The following CTSA variants were observed in gnomAD, a reference collection of about 807,000 sequenced individuals.
The protein encoded by CTSA is cathepsin A.
CTSA carries 42 observed loss-of-function variants against 66.7 expected under a neutral mutation model. That is an observed-to-expected ratio of 0.63 (90% CI 0.49 to 0.81). CTSA has a LOEUF of 0.81. Ranked by LOEUF, CTSA falls within the 40% of genes least tolerant of loss-of-function variation. The pLI is 0.00. For synonymous variants in CTSA, 225 were observed against 248.6 expected, an observed-to-expected ratio of 0.91 and a Z score of 0.89; for missense variants, 525 against 610.9, an observed-to-expected ratio of 0.86 and a Z score of 1.48.
At chr20:45,897,853 T>G (rs561109812) in intron 13 of CTSA, 47 bp downstream of exon 13, 1 of 1,525,678 alleles carries the variant, frequency 6.6e-7, no homozygotes, top group East Asian at 2.3e-5. Flanking sequence ...CTGTGGAGGA[T>G]TGGGAGCGGG....
chr20:45,891,716 T>G lies in CTSA; in HGVS notation c.148T>G (p.Tyr50Asp), dbSNP rs1489151846. The change falls in exon 2 of 15, where the codon TAC (tyrosine) becomes GAC (aspartate). Residue 50 changes from tyrosine to aspartate, a missense_variant. Tyr to Asp is a radical substitution (Grantham distance 160). Transcript: ENST00000646241. This position sits in a 1 kb window ranked among gnomAD's most constrained non-coding sequence, Gnocchi z 4.6. ...GGCCAAGCAGCCGTCTTTCCGCCAG[T>G]ACTCCGGCTACCTCAAAGGCTCCGG... ...GLAKQPSFRQ[Y>D]SGYLKGSGSK... The G allele has an allele frequency of 3.1e-6, 5 of 1,613,566 alleles. No homozygotes were observed. The highest frequency in any genetic ancestry group is 4.2e-6 in the Non-Finnish European group (5 of 1,180,030).
At position 45,893,212 on chromosome 20, in the gene CTSA, T is replaced by A; in HGVS notation, c.601-8T>A. ...CCACATGAGCTGAGCACCCTGGGTG[T>A]TTCACAGGGGCTGGCTGTGGGCAAT... On this transcript the variant is annotated splice_polypyrimidine_tract_variant and splice_region_variant and intron_variant, in intron 6 of 14. Coordinates refer to ENST00000646241, the MANE Select transcript of CTSA (RefSeq NM_000308.4). The A allele has an allele frequency of 1.2e-6, 2 of 1,612,314 alleles. No individual in the cohort carries two copies. The highest frequency in any genetic ancestry group is 8.5e-7 in the Non-Finnish European group (1 of 1,178,328).
At position 45,893,957 on chromosome 20, in the gene CTSA, CT is replaced by C. The variant is rs750852105; in HGVS notation, c.693-30del. 26 of 1,432,310 alleles carry C rather than the reference CT, an allele frequency of 1.8e-5. 1 individual carries two copies. The highest frequency in any genetic ancestry group is 1.5e-4 in the African/African-American group (11 of 71,296). The allele number at this position is 1,432,310 out of a possible 1,614,324, so 88.7% of individuals were successfully genotyped here. A position where few individuals can be genotyped will look rare whatever the true frequency, so the allele number is the denominator to read the frequency against. ...TCTGCCTTCCTCTTCCCACCAGCAGCTGATGCGCTTTTCACTCTCATCTCCT... is the reference window on the plus strand; with the variant it reads ...TCTGCCTTCCTCTTCCCACCAGCAGCGATGCGCTTTTCACTCTCATCTCCT... On this transcript the variant is annotated intron_variant, in intron 7 of 14. Transcript: ENST00000646241.
intron 11 of CTSA, 31 bp from the exon 12 acceptor site, chr20:45,896,934 T>C (rs1182258918): frequency 6.3e-7 from 1 of 1,597,772 alleles, no homozygotes; most frequent in Admixed American, 1.7e-5. Context: ...CGACCTGGTC[T>C]TCCTGGGGCC....
chr20:45,896,877 G>C, intron 11 of CTSA, 88 bp from the exon 12 acceptor site: 1 of 1,090,016 alleles, frequency 9.2e-7, no homozygotes, highest in South Asian at 1.2e-5. Flanking sequence ...CTGGGTTGGA[G>C]CTTGGAGATA....
intron 3 of CTSA, 101 bp from the exon 4 acceptor site, chr20:45,892,170 CCT>C (rs1398116989): frequency 1.4e-6 from 2 of 1,453,020 alleles, no homozygotes; most frequent in Non-Finnish European, 1.9e-6. Context: ...GCTGCCTGTA[CCT>C]CTCAGAGGTT....
rs2083133421 is a variant in CTSA, at chr20:45,898,190, T to G, written c.1359+81T>G. The G allele has an allele frequency of 6.0e-6, 9 of 1,494,382 alleles. No individual in the cohort carries two copies. The highest frequency in any genetic ancestry group is 8.3e-6 in the Non-Finnish European group (9 of 1,079,702). The allele number at this position is 1,494,382 out of a possible 1,614,324, so 92.6% of individuals were successfully genotyped here. A position where few individuals can be genotyped will look rare whatever the true frequency, so the allele number is the denominator to read the frequency against. On this transcript the variant is annotated intron_variant, in intron 14 of 14. Transcript: ENST00000646241. The surrounding 1 kb of genome is among the most constrained non-coding windows in gnomAD (Gnocchi z 4.6). ...ACCCGTCCTTTCCCTCTGGCTGCCT[T>G]TTAGGCTGGGTCATGGGTCACCATC... is the stretch of plus-strand genomic sequence containing the variant.
rs560144001 is a variant in CTSA, at chr20:45,893,298, C to A, written c.679C>A (p.Leu227Ile). ...GGTCTACTTTGCCTACTACCATGGCCTTCTGGGGAACAGGTATGGGATAGG... is the reference window on the plus strand; with the variant it reads ...GGTCTACTTTGCCTACTACCATGGCATTCTGGGGAACAGGTATGGGATAGG... ...SLVYFAYYHG[L>I]LGNRLWSSLQ... The change falls in exon 7 of 15, where the codon CTT becomes ATT. Residue 227 changes from leucine to isoleucine, a missense_variant. By Grantham distance (5) the Leu-to-Ile change is conservative (BLOSUM62 2). Coordinates refer to ENST00000646241, the MANE Select transcript of CTSA (RefSeq NM_000308.4). The A allele has an allele frequency of 6.2e-7, 1 of 1,613,540 alleles. No homozygotes were observed. The highest frequency in any genetic ancestry group is 1.3e-5 in the African/African-American group (1 of 74,976).
Position 45,891,543 on chromosome 20 carries a change from A to C in CTSA, c.1-26A>C, listed in dbSNP as rs751278595. 2 of 1,590,008 alleles carry C rather than the reference A, an allele frequency of 1.3e-6. No individual in the cohort carries two copies. The highest frequency in any genetic ancestry group is 2.7e-5 in the African/African-American group (2 of 74,274). ...GCACGGAAGCGCTGAGGAGCGAGTC[A>C]ACAGCCCCTCTGCTGCCTCCCGTAG... On this transcript the variant is annotated intron_variant, in intron 1 of 14. Coordinates refer to ENST00000646241, the MANE Select transcript of CTSA (RefSeq NM_000308.4). This position sits in a 1 kb window ranked among gnomAD's most constrained non-coding sequence, Gnocchi z 4.6.
intron 12 of CTSA, 42 bp from the exon 13 acceptor site, chr20:45,897,675 G>T (rs1451742543): frequency 8.2e-7 from 1 of 1,225,104 alleles, no homozygotes; most frequent in African/African-American, 1.5e-5. Flanking sequence ...CTGGGGACTG[G>T]GCTTGTTCCA....
intron 5 of CTSA, 69 bp downstream of exon 5, chr20:45,892,553 G>A: frequency 6.5e-7 from 1 of 1,549,472 alleles, no homozygotes; most frequent in Non-Finnish European, 8.9e-7. Flanking sequence ...TGCTGGGAGA[G>A]AGAGCATGGC....
rs62213322 is a variant in CTSA at position 45,898,403 on chromosome 20, G to A, written c.1396G>A (p.Ala466Thr). Residue 466 changes from alanine (A) to threonine (T), a missense_variant, in exon 15 of 15, where the codon GCT (alanine) becomes ACT (threonine). Coordinates refer to ENST00000646241, the MANE Select transcript of CTSA (RefSeq NM_000308.4). This position sits in a 1 kb window ranked among gnomAD's most constrained non-coding sequence, Gnocchi z 4.6. ...GHMVPTDKPL[A>T]AFTMFSRFLN... ...CATGGTTCCCACCGACAAGCCCCTC[G>A]CTGCCTTCACCATGTTCTCCCGCTT... 3.1e-6 allele frequency: 5 copies of A among 1,613,836 alleles called. No individual in the cohort carries two copies. The highest frequency in any genetic ancestry group is 2.2e-5 in the East Asian group (1 of 44,854).
chr20:45,895,440 C>T (rs1221619920), intron 11 of CTSA, among the ~76,000 whole-genome samples: 1 of 148,634 alleles, frequency 6.7e-6, no homozygotes, highest in Non-Finnish European at 1.5e-5. Flanking sequence ...CCCACCTCCC[C>T]AGTAGCTGGG....
At chr20:45,895,851 C>A in intron 11 of CTSA, among the ~76,000 whole-genome samples, 1 of 152,164 alleles carries the variant, frequency 6.6e-6, no homozygotes, top group Non-Finnish European at 1.5e-5. Flanking sequence ...TCCCAAAGTG[C>A]TGGGATTACA....
chr20:45,897,531 C>T (rs1044310301), intron 12 of CTSA, 186 bp from the exon 13 acceptor site: 7 of 600,636 alleles, frequency 1.2e-5, no homozygotes, highest in African/African-American at 1.9e-5. Context: ...ATGATATCTA[C>T]CTTCACAGAT....
At chr20:45,896,159 C>T (rs2083103082) in intron 11 of CTSA, among the ~76,000 whole-genome samples, 1 of 152,084 alleles carries the variant, frequency 6.6e-6, no homozygotes, top group Non-Finnish European at 1.5e-5. Flanking sequence ...CATGCTACTG[C>T]ACTCCAGCCT....
At chr20:45,893,413 T>C in intron 7 of CTSA, 102 bp downstream of exon 7, 4 of 872,752 alleles carry the variant, frequency 4.6e-6, no homozygotes, top group Non-Finnish European at 7.9e-6. Flanking sequence ...CCCAGGTTTA[T>C]GAGCAGCAGG....
At chr20:45,896,826 C>G (rs1296681352) in intron 11 of CTSA, 139 bp from the exon 12 acceptor site, 13 of 110,482 alleles carry the variant, frequency 1.2e-4, no homozygotes, top group Non-Finnish European at 2.2e-4. Flanking sequence ...AGAGAGGTGG[C>G]CCCCCCCCAA....
At chr20:45,896,765 T>A in intron 11 of CTSA, 200 bp from the exon 12 acceptor site, 3 of 625,368 alleles carry the variant, frequency 4.8e-6, no homozygotes, top group Non-Finnish European at 8.7e-6. Flanking sequence ...TGGTGGTGAG[T>A]TGAGGCTGTC....
Sources: gnomAD v4.1 joint callset for allele counts (sites outside exome capture counted in the v4.1 genomes callset) on GRCh38, gnomAD v4.1.1 for gene constraint, Gnocchi (gnomAD v3.1) non-coding constraint, MANE v1.5 for transcripts, NCBI Gene and HGNC (gene_info 2026-07-23, HGNC 2026-07-21) for gene names.